The following LRMDA variants were observed in gnomAD, a reference collection of about 807,000 sequenced individuals.
LRMDA encodes the protein leucine-rich melanocyte differentiation-associated protein.
LRMDA carries 18 observed loss-of-function variants against 29.8 expected under a neutral mutation model. The observed-to-expected ratio is 0.60, with a 90% CI of 0.42 to 0.90. LRMDA has a LOEUF of 0.90. Among genes scored for constraint, LRMDA ranks in the 40% least tolerant of loss-of-function variants. The probability of loss-of-function intolerance (pLI) is 0.00; values close to 1 mark genes in which losing one functional copy is unlikely to be tolerated. For synonymous variants in LRMDA, 125 were observed against 109.4 expected (o/e 1.14, Z -0.89); for missense variants, 273 against 273.9 (o/e 1.00, Z 0.02).
rs74732503 is a variant in LRMDA at position 76,213,757 on chromosome 10, C to T, written c.517-110644C>T. 9.9e-3 allele frequency among the ~76,000 whole-genome samples: 1,509 copies of T among 152,188 alleles called. 25 individuals are homozygous for T. Among genetic ancestry groups the T allele is most frequent in the African/African-American group, 0.033 (1,380 of 41,518 alleles). ...AGTTCTACTCCCTCCAGGAGGTTGC[C>T]AAGAAAAAGTTTTGTCCTTTAAAAT... is the stretch of plus-strand genomic sequence containing the variant. On this transcript the variant is annotated intron_variant, in intron 5 of 6. Transcript: ENST00000611255.
intron 6 of LRMDA, among the ~76,000 whole-genome samples, chr10:76,411,053 G>A (rs946874916): frequency 6.6e-6 from 1 of 152,090 alleles, no homozygotes; most frequent in Admixed American, 6.5e-5. Flanking sequence ...TGCAAGAGAT[G>A]TTTGTCATTT....
intron 2 of LRMDA, among the ~76,000 whole-genome samples, chr10:75,864,632 G>A (rs1844989744): frequency 6.6e-6 from 1 of 152,180 alleles, no homozygotes; most frequent in Admixed American, 6.5e-5. Flanking sequence ...TACACTTTCT[G>A]CTCTAATGTT....
chr10:76,162,228 T>A (rs1850659757), intron 5 of LRMDA, among the ~76,000 whole-genome samples: 1 of 152,064 alleles, frequency 6.6e-6, no homozygotes, highest in African/African-American at 2.4e-5. Flanking sequence ...GAACAAAAGT[T>A]GTTTTGAAGG....
chr10:75,901,214 A>G (rs1225173635), intron 2 of LRMDA, among the ~76,000 whole-genome samples: 2 of 152,118 alleles, frequency 1.3e-5, no homozygotes, highest in South Asian at 2.1e-4. Flanking sequence ...AGCACTTACC[A>G]TCAATGGAAG....
chr10:76,277,080 A>G (rs1306827672), intron 5 of LRMDA, among the ~76,000 whole-genome samples: 1 of 152,164 alleles, frequency 6.6e-6, no homozygotes, highest in African/African-American at 2.4e-5. Context: ...CCCCTTCTCC[A>G]GCTCTCTCAC....
At chr10:76,342,293 G>T (rs575577998) in intron 6 of LRMDA, among the ~76,000 whole-genome samples, 3 of 151,924 alleles carry the variant, frequency 2.0e-5, no homozygotes, top group Non-Finnish European at 4.4e-5. Flanking sequence ...ACAAAAAAAA[G>T]ATAACATATA....
intron 2 of LRMDA, among the ~76,000 whole-genome samples, chr10:75,978,349 C>A (rs965662724): frequency 8.5e-5 from 13 of 152,218 alleles, no homozygotes; most frequent in African/African-American, 2.4e-4. Flanking sequence ...TTCAAGATGG[C>A]AGCTTGTGCT....
intron 2 of LRMDA, among the ~76,000 whole-genome samples, chr10:75,692,553 A>G (rs1163402573): frequency 7.2e-6 from 1 of 138,430 alleles, no homozygotes; most frequent in Admixed American, 7.7e-5. Context: ...ATACACATAT[A>G]CATATGTATA....
chr10:75,656,713 G>A (rs2132130956), intron 2 of LRMDA, among the ~76,000 whole-genome samples: 1 of 152,214 alleles, frequency 6.6e-6, no homozygotes, highest in East Asian at 1.9e-4. Flanking sequence ...TTGTGAGCAG[G>A]TATCTCCTCT....
intron 5 of LRMDA, among the ~76,000 whole-genome samples, chr10:76,169,962 G>C (rs1850805659): frequency 6.6e-6 from 1 of 152,102 alleles, no homozygotes; most frequent in Non-Finnish European, 1.5e-5. Flanking sequence ...CTTACCCTTG[G>C]ATGATGGCCA....
At chr10:75,966,787 G>C (rs1310638090) in intron 2 of LRMDA, among the ~76,000 whole-genome samples, 1 of 152,138 alleles carries the variant, frequency 6.6e-6, no homozygotes, top group Non-Finnish European at 1.5e-5. Flanking sequence ...TGTGACCTTG[G>C]GCAAATTACC....
chr10:75,977,212 G>A (rs1847088900), intron 2 of LRMDA, among the ~76,000 whole-genome samples: 1 of 150,824 alleles, frequency 6.6e-6, no homozygotes, highest in African/African-American at 2.4e-5. Context: ...TTTACTTCAA[G>A]TTTTATTAAA....
intron 2 of LRMDA, among the ~76,000 whole-genome samples, chr10:75,916,193 T>TGTGTGG (rs72087365): frequency 0.042 from 5,833 of 140,022 alleles, 168 homozygotes; most frequent in African/African-American, 0.076. Context: ...TGTGTGTGTG[T>TGTGTGG]GTGGGTGGGT....
intron 2 of LRMDA, among the ~76,000 whole-genome samples, chr10:75,607,850 G>A (rs1470708578): frequency 5.7e-5 from 2 of 35,184 alleles, no homozygotes; most frequent in African/African-American, 2.2e-4. Flanking sequence ...TTTTTTTTTT[G>A]GAGCCCAAGA....
intron 2 of LRMDA, among the ~76,000 whole-genome samples, chr10:75,906,090 ACT>A (rs1159572931): frequency 6.7e-6 from 1 of 148,240 alleles, no homozygotes; most frequent in African/African-American, 2.5e-5. Context: ...ACAGAGGAAG[ACT>A]CTCCCCTGCC....
intron 2 of LRMDA, among the ~76,000 whole-genome samples, chr10:75,703,686 G>C (rs1842334853): frequency 6.6e-6 from 1 of 152,206 alleles, no homozygotes. Flanking sequence ...CCTATTAACA[G>C]GAAGATGGAA....
intron 2 of LRMDA, among the ~76,000 whole-genome samples, chr10:75,716,101 A>G (rs940171238): frequency 6.6e-5 from 10 of 152,212 alleles, no homozygotes; most frequent in Non-Finnish European, 1.5e-4. Flanking sequence ...CTACAACCAG[A>G]GCAGCTCCAC....
At chr10:75,950,096 C>T (rs1330668232) in intron 2 of LRMDA, among the ~76,000 whole-genome samples, 1 of 152,174 alleles carries the variant, frequency 6.6e-6, no homozygotes, top group African/African-American at 2.4e-5. Context: ...CAGATGTTGC[C>T]CTCCCTGTTC....
intron 2 of LRMDA, among the ~76,000 whole-genome samples, chr10:75,453,525 C>T (rs368576255): frequency 6.6e-6 from 1 of 152,182 alleles, no homozygotes; most frequent in South Asian, 2.1e-4. Context: ...GCAAAGGTGC[C>T]ATTTTTTTCC....
Sources: allele counts gnomAD v4.1 joint callset (sites outside exome capture counted in the v4.1 genomes callset), GRCh38; gene constraint gnomAD v4.1.1; transcripts MANE v1.5; gene names NCBI Gene and HGNC (gene_info 2026-07-23, HGNC 2026-07-21).